HDAC4: variants seen among roughly 807,000 people sequenced by gnomAD.
HDAC4 encodes histone deacetylase A.
Under a neutral mutation model 135.1 loss-of-function variants are expected in HDAC4, and 16 were observed. That is an observed-to-expected ratio of 0.12 (90% confidence interval 0.08 to 0.18). The LOEUF is 0.18. Ranked by LOEUF, HDAC4 falls within the 10% of genes least tolerant of loss-of-function variation. HDAC4 has a pLI of 1.00. For missense variants in HDAC4, 1,143 were observed against 1,511.8 expected (o/e 0.76, Z 4.05); for synonymous variants, 685 against 653.4 (o/e 1.05, Z -0.74).
chr2:239,339,514 C>T lies in HDAC4; in HGVS notation c.22+13164G>A, dbSNP rs542828967. On this transcript the variant is annotated intron_variant, in intron 2 of 26. Coordinates refer to ENST00000543185, the MANE Select transcript of HDAC4 (RefSeq NM_001378414.1). ...TGATCTGGACATGGGTGAGGAGCAC[C>T]AAAGCCATGCTCTCTCGGGTGATGT... Among the ~76,000 whole-genome samples the T allele has an allele frequency of 3.9e-5, 6 of 152,298 alleles. No individual in the cohort carries two copies. The South Asian group carries it at 1.2e-3, about 32-fold the overall frequency.
intron 2 of HDAC4, among the ~76,000 whole-genome samples, chr2:239,296,296 CCAG>C (rs2051887775): frequency 6.6e-6 from 1 of 152,386 alleles, no homozygotes; most frequent in Non-Finnish European, 1.5e-5. Context: ...GGCGTGGACA[CCAG>C]CACTCTGCCC....
intron 1 of HDAC4, among the ~76,000 whole-genome samples, chr2:239,394,082 G>A (rs986564861): frequency 6.8e-6 from 1 of 146,730 alleles, no homozygotes; most frequent in Admixed American, 7.1e-5. Flanking sequence ...TAAACCAGAT[G>A]ATGGGCCATT....
At chr2:239,290,591 A>C (rs1210071006) in intron 2 of HDAC4, among the ~76,000 whole-genome samples, 1 of 152,206 alleles carries the variant, frequency 6.6e-6, no homozygotes, top group Non-Finnish European at 1.5e-5. Context: ...GCACACACAC[A>C]CACACACACA....
chr2:239,263,217 G>A (rs1201494925), intron 2 of HDAC4, among the ~76,000 whole-genome samples: 1 of 151,326 alleles, frequency 6.6e-6, no homozygotes, highest in African/African-American at 2.4e-5. Context: ...AAGGGCACGG[G>A]GCCACTGTGC....
At chr2:239,274,978 ATT>A (rs2050268479) in intron 2 of HDAC4, among the ~76,000 whole-genome samples, 1 of 152,224 alleles carries the variant, frequency 6.6e-6, no homozygotes, top group Admixed American at 6.5e-5. Flanking sequence ...TCCTGGAGTG[ATT>A]TTGTGTGAGA....
In HDAC4 at chr2:239,208,326, CAAAAAAA is replaced by C. The variant is rs759398313; in HGVS notation, c.95-18256_95-18250del. On this transcript the variant is annotated intron_variant, in intron 3 of 26. Coordinates refer to ENST00000543185, the MANE Select transcript of HDAC4 (RefSeq NM_001378414.1). The stretch of plus-strand genomic sequence containing the variant: ...TGGGGGACAGAGCGAGACTCCGTCC[CAAAAAAA>C]AAAAAAAAAAAAAAAAAAGAAAACA... Among the ~76,000 whole-genome samples, 19 of 68,216 alleles carry C rather than the reference CAAAAAAA, an allele frequency of 2.8e-4. 1 individual carries two copies. The South Asian group carries it at 2.8e-3, about 10-fold the overall frequency. 44.8% of individuals were successfully genotyped at this position (68,216 alleles called of 152,430 possible).
intron 14 of HDAC4, 72 bp downstream of exon 14, chr2:239,111,454 G>A: frequency 6.9e-7 from 1 of 1,454,986 alleles, no homozygotes; most frequent in South Asian, 1.2e-5. Context: ...AGCTGGGCCG[G>A]GAAGAGCCCC....
In HDAC4 at chr2:239,242,986, G is replaced by T. The variant is rs76626312; in HGVS notation, c.23-6322C>A. ...GACAAACCAGCGTGGTCAGGCCCAGGGGGTTTTTGGGAACAGGAAGGCAGC... is the reference window on the plus strand; with the variant it reads ...GACAAACCAGCGTGGTCAGGCCCAGTGGGTTTTTGGGAACAGGAAGGCAGC... On this transcript the variant is annotated intron_variant, in intron 2 of 26. Transcript: ENST00000543185. Among the ~76,000 whole-genome samples the T allele has an allele frequency of 1.7e-3, 261 of 152,208 alleles. 10 individuals are homozygous for T. In the East Asian group the frequency reaches 0.045, roughly 26 times the overall value.
chr2:239,271,840 C>T (rs2050077011), intron 2 of HDAC4, among the ~76,000 whole-genome samples: 1 of 152,230 alleles, frequency 6.6e-6, no homozygotes, highest in Non-Finnish European at 1.5e-5. Flanking sequence ...CTGGAAGTTA[C>T]ACAGAGCTTC....
chr2:239,401,618 G>C (rs1018927304), upstream of HDAC4: 10 of 250,610 alleles, frequency 4.0e-5, no homozygotes, highest in Admixed American at 3.6e-4. Context: ...AGCCGGCCAG[G>C]CCTCGCCGCG....
chr2:239,176,200 G>T (rs966541746), intron 5 of HDAC4, among the ~76,000 whole-genome samples: 5 of 147,790 alleles, frequency 3.4e-5, no homozygotes, highest in Non-Finnish European at 7.5e-5. Context: ...CCCTCCCTCT[G>T]CCCGGCCTTC....
At chr2:239,314,756 T>C (rs1164742637) in intron 2 of HDAC4, among the ~76,000 whole-genome samples, 1 of 152,174 alleles carries the variant, frequency 6.6e-6, no homozygotes, top group Non-Finnish European at 1.5e-5. Flanking sequence ...CTGGAGACGT[T>C]AGAGGACTGG....
At chr2:239,287,520 T>C (rs1324150490) in intron 2 of HDAC4, among the ~76,000 whole-genome samples, 2 of 152,224 alleles carry the variant, frequency 1.3e-5, no homozygotes, top group Non-Finnish European at 2.9e-5. Flanking sequence ...TCAAAACTTG[T>C]TGTATGCACC....
Position 239,307,167 on chromosome 2 carries a change from C to T in HDAC4, c.22+45511G>A, listed in dbSNP as rs1378255042. On this transcript the variant is annotated intron_variant, in intron 2 of 26. Coordinates refer to ENST00000543185, the MANE Select transcript of HDAC4 (RefSeq NM_001378414.1). The surrounding 1 kb of genome is among the most constrained non-coding windows in gnomAD (Gnocchi z 4.8). ...GGTGCCCACGAGGGGTCTGGAAACC[C>T]TGACAGGGAGGGAGAAGAGAGCCCT... Among the ~76,000 whole-genome samples the T allele has an allele frequency of 6.6e-6, 1 of 152,106 alleles. No individual in the cohort carries two copies. Among genetic ancestry groups the T allele is most frequent in the African/African-American group, 2.4e-5 (1 of 41,424 alleles).
rs939770147 is a variant in HDAC4 at position 239,146,995 on chromosome 2, A to C, written c.734-2281T>G. 2.0e-5 allele frequency among the ~76,000 whole-genome samples: 3 copies of C among 152,200 alleles called. No individual in the cohort carries two copies. Among genetic ancestry groups the C allele is most frequent in the East Asian group, 3.9e-4 (2 of 5,178 alleles). On this transcript the variant is annotated intron_variant, in intron 7 of 26. Transcript: ENST00000543185. This position sits in a 1 kb window ranked among gnomAD's most constrained non-coding sequence, Gnocchi z 4.5. The stretch of plus-strand genomic sequence containing the variant: ...CCAGGAGGCTCCAGGACACCATGCC[A>C]GCACTGCCAGGGACAGCATGGCATG...
intron 25 of HDAC4, among the ~76,000 whole-genome samples, chr2:239,054,388 TGGTCCAGGGAAGA>T: frequency 6.6e-6 from 1 of 152,232 alleles, no homozygotes; most frequent in Non-Finnish European, 1.5e-5. Context: ...TGGGCTTCTC[TGGTCCAGGGAAGA>T]GGCCGGAGTC....
chr2:239,122,624 C>T (rs1024470859), intron 12 of HDAC4, among the ~76,000 whole-genome samples: 2 of 152,206 alleles, frequency 1.3e-5, no homozygotes, highest in African/African-American at 4.8e-5. Context: ...AGAGCCAGCT[C>T]GGGGTCGATC....
In HDAC4 at chr2:239,384,168, A is replaced by C. The variant is rs368271798; in HGVS notation, c.-220+16810T>G. ...CGATGGGAAAGACACCCAGGCTAAT[A>C]TTAGGGGATGCCCAGATCCCAGGTC... On this transcript the variant is annotated intron_variant, in intron 1 of 26. Coordinates refer to ENST00000543185, the MANE Select transcript of HDAC4 (RefSeq NM_001378414.1). 4.5e-4 allele frequency among the ~76,000 whole-genome samples: 69 copies of C among 152,322 alleles called. No individual in the cohort carries two copies. In the East Asian group the frequency reaches 9.3e-3, roughly 20 times the overall value.
intron 9 of HDAC4, among the ~76,000 whole-genome samples, chr2:239,137,296 C>T (rs554342520): frequency 2.0e-5 from 3 of 152,326 alleles, no homozygotes; most frequent in South Asian, 2.1e-4. Flanking sequence ...AGGGAAAGTC[C>T]GCGGGCCTGA....
Sources: allele counts gnomAD v4.1 joint callset (sites outside exome capture counted in the v4.1 genomes callset), GRCh38; gene constraint gnomAD v4.1.1; non-coding constraint Gnocchi (gnomAD v3.1); transcripts MANE v1.5; gene names NCBI Gene and HGNC (gene_info 2026-07-23, HGNC 2026-07-21).